The following TBC1D5 variants were observed in gnomAD, a reference collection of about 807,000 sequenced individuals.
TBC1D5 encodes the protein TBC1 domain family member 5, also known as TBC1 domain family, member 5.
Under a neutral mutation model 100.3 loss-of-function variants are expected in TBC1D5, and 75 were observed. That is an observed-to-expected ratio of 0.75 (90% CI 0.62 to 0.91). TBC1D5 has a LOEUF of 0.91. Among genes scored for constraint, TBC1D5 ranks in the 40% least tolerant of loss-of-function variants. The pLI is 0.00. For missense variants in TBC1D5, 910 were observed against 942.4 expected, an observed-to-expected ratio of 0.97 and a Z score of 0.45; for synonymous variants, 323 against 325.6, an observed-to-expected ratio of 0.99 and a Z score of 0.09.
intron 2 of TBC1D5, among the ~76,000 whole-genome samples, chr3:17,532,270 T>G (rs1376727155): frequency 7.2e-5 from 11 of 152,072 alleles, no homozygotes; most frequent in South Asian, 4.2e-4. Context: ...GAAATGCAAA[T>G]CAAAACCACA....
At chr3:17,533,239 A>G (rs1470849904) in intron 2 of TBC1D5, among the ~76,000 whole-genome samples, 1 of 152,232 alleles carries the variant, frequency 6.6e-6, no homozygotes, top group Non-Finnish European at 1.5e-5. Context: ...TATTTAAGAT[A>G]GAGTTCTACT....
At chr3:17,724,724 T>A (rs1002302294) in intron 1 of TBC1D5, among the ~76,000 whole-genome samples, 20 of 152,308 alleles carry the variant, frequency 1.3e-4, no homozygotes, top group African/African-American at 4.6e-4. Flanking sequence ...TATTTTTCCC[T>A]TCTGCTCTTG....
intron 14 of TBC1D5, among the ~76,000 whole-genome samples, chr3:17,306,716 G>A (rs1273279042): frequency 1.3e-5 from 2 of 152,064 alleles, no homozygotes; most frequent in Admixed American, 1.3e-4. Context: ...GTTTGATTTG[G>A]AAAATTTTGC....
chr3:17,433,294 G>A (rs1480023380), intron 3 of TBC1D5, among the ~76,000 whole-genome samples: 1 of 152,114 alleles, frequency 6.6e-6, no homozygotes, highest in East Asian at 1.9e-4. Flanking sequence ...CCATTCTCAC[G>A]CTGCTATAAA....
chr3:17,574,647 C>T (rs542379985), intron 2 of TBC1D5, among the ~76,000 whole-genome samples: 43 of 152,206 alleles, frequency 2.8e-4, no homozygotes, highest in African/African-American at 9.4e-4. Flanking sequence ...CTTGTTCTTT[C>T]GGATTTATTT....
chr3:17,406,711 A>T, intron 4 of TBC1D5, 185 bp from the exon 5 acceptor site: 1 of 559,272 alleles, frequency 1.8e-6, no homozygotes, highest in Non-Finnish European at 3.1e-6. Context: ...CGTAGATTTA[A>T]TGAATATGTA....
At chr3:17,622,783 T>C (rs1052377182) in intron 2 of TBC1D5, 1 of 152,084 alleles carries the variant, frequency 6.6e-6, no homozygotes, top group African/African-American at 2.4e-5. Flanking sequence ...AAATATACCA[T>C]AGAACACACT....
chr3:17,485,356 TAA>T (rs934979679), intron 3 of TBC1D5, among the ~76,000 whole-genome samples: 1 of 147,554 alleles, frequency 6.8e-6, no homozygotes, highest in Non-Finnish European at 1.5e-5. Context: ...TATTATACTT[TAA>T]GTTTTAGGGT....
intron 3 of TBC1D5, among the ~76,000 whole-genome samples, chr3:17,434,611 T>C (rs932153037): frequency 6.6e-6 from 1 of 152,220 alleles, no homozygotes; most frequent in Non-Finnish European, 1.5e-5. Context: ...TATAATGTCC[T>C]GAGGTTGCAT....
intron 1 of TBC1D5, among the ~76,000 whole-genome samples, chr3:17,633,572 G>C (rs1009018359): frequency 1.3e-5 from 2 of 152,102 alleles, no homozygotes; most frequent in African/African-American, 4.8e-5. Context: ...TAATCATTGA[G>C]AGAACAGAGC....
intron 16 of TBC1D5, among the ~76,000 whole-genome samples, chr3:17,238,780 T>C (rs1318260516): frequency 6.6e-6 from 1 of 152,150 alleles, no homozygotes; most frequent in African/African-American, 2.4e-5. Context: ...AAATATATGC[T>C]TAAAACCTGC....
At chr3:17,661,197 G>A (rs1034640414) in intron 1 of TBC1D5, among the ~76,000 whole-genome samples, 78 of 152,110 alleles carry the variant, frequency 5.1e-4, no homozygotes, top group African/African-American at 1.8e-3. Context: ...AGGACACTCC[G>A]CTCAATCAGA....
At chr3:17,706,363 A>G in intron 1 of TBC1D5, 2 of 1,197,302 alleles carry the variant, frequency 1.7e-6, no homozygotes, top group Non-Finnish European at 2.3e-6. Context: ...TTTGAAGGAA[A>G]GCTAATCTAA....
chr3:17,444,359 C>T (rs900038361), intron 3 of TBC1D5, among the ~76,000 whole-genome samples: 2 of 152,126 alleles, frequency 1.3e-5, no homozygotes, highest in African/African-American at 4.8e-5. Context: ...AATTTACATA[C>T]TACATAAACA....
intron 15 of TBC1D5, among the ~76,000 whole-genome samples, chr3:17,279,031 A>G (rs1345509281): frequency 6.6e-6 from 1 of 152,232 alleles, no homozygotes; most frequent in Non-Finnish European, 1.5e-5. Context: ...TTCTTTGAAA[A>G]AGCTCTTACT....
At chr3:17,341,330 G>A (rs1429110633) in intron 13 of TBC1D5, among the ~76,000 whole-genome samples, 1 of 152,038 alleles carries the variant, frequency 6.6e-6, no homozygotes, top group African/African-American at 2.4e-5. Context: ...CCGAGTAGCT[G>A]GGACTACAGG....
At chr3:17,534,235 A>AACATT in intron 2 of TBC1D5, among the ~76,000 whole-genome samples, 1 of 152,238 alleles carries the variant, frequency 6.6e-6, no homozygotes, top group African/African-American at 2.4e-5. Flanking sequence ...CTAACATACT[A>AACATT]TGGGGAGAAA....
intron 2 of TBC1D5, among the ~76,000 whole-genome samples, chr3:17,612,573 T>C (rs922952181): frequency 1.3e-5 from 2 of 151,952 alleles, no homozygotes; most frequent in African/African-American, 4.8e-5. Context: ...GAGGTAGCAG[T>C]GAGCCGAGAT....
chr3:17,531,878 A>G (rs1428090331), intron 2 of TBC1D5, among the ~76,000 whole-genome samples: 1 of 152,224 alleles, frequency 6.6e-6, no homozygotes, highest in Non-Finnish European at 1.5e-5. Context: ...AAACCATAAA[A>G]ACCCTAGAAG....
Sources: allele counts gnomAD v4.1 joint callset (sites outside exome capture counted in the v4.1 genomes callset), GRCh38; gene constraint gnomAD v4.1.1; transcripts MANE v1.5; gene names NCBI Gene and HGNC (gene_info 2026-07-23, HGNC 2026-07-21).